PCDHA3: variants seen among roughly 807,000 people sequenced by gnomAD.
The protein encoded by PCDHA3 is protocadherin alpha 3.
Under a neutral mutation model 62.2 loss-of-function variants are expected in PCDHA3, and 41 were observed. The ratio of observed to expected loss-of-function variants is 0.66; its 90% CI spans 0.51 to 0.86. The LOEUF is 0.86. Ranked by LOEUF, PCDHA3 falls within the 40% of genes least tolerant of loss-of-function variation. The probability of loss-of-function intolerance (pLI) is 0.00; values close to 1 mark genes in which losing one functional copy is unlikely to be tolerated. For missense variants in PCDHA3, 1,304 were observed against 1,241.2 expected (o/e 1.05, Z -0.76); for synonymous variants, 640 against 555.4 (o/e 1.15, Z -2.14).
Position 140,802,328 on chromosome 5 carries a change from C to A in PCDHA3, c.1131C>A (p.Arg377=). The part of the protein sequence containing the change: ...TVIALISVSD[R]DSGVNGQVTC... Reference sequence around the variant, plus strand: ...TCGCTCTGATCAGCGTGTCCGACCGCGACTCAGGAGTCAATGGACAGGTCA... The same window carrying A: ...TCGCTCTGATCAGCGTGTCCGACCGAGACTCAGGAGTCAATGGACAGGTCA... The change falls in exon 1 of 4, where the codon CGC becomes CGA. Residue 377 remains arginine, a synonymous_variant. Coordinates refer to ENST00000522353, the MANE Select transcript of PCDHA3 (RefSeq NM_018906.3). 1 of 1,614,250 alleles carries A rather than the reference C, an allele frequency of 6.2e-7. No homozygotes were observed. The highest frequency in any genetic ancestry group is 8.5e-7 in the Non-Finnish European group (1 of 1,180,042).
At chr5:140,962,428 C>G (rs1359949802) in intron 1 of PCDHA3, among the ~76,000 whole-genome samples, 1 of 152,136 alleles carries the variant, frequency 6.6e-6, no homozygotes, top group Non-Finnish European at 1.5e-5. Flanking sequence ...TTTATTGTTA[C>G]TTATCCAAAG....
chr5:140,998,987 G>A (rs1381033392), intron 3 of PCDHA3, among the ~76,000 whole-genome samples: 1 of 152,234 alleles, frequency 6.6e-6, no homozygotes. Context: ...ATAGTAGAAA[G>A]CAGAATGCTG....
At chr5:140,834,488 C>T (rs2150219556) in intron 1 of PCDHA3, 20 of 1,614,036 alleles carry the variant, frequency 1.2e-5, no homozygotes, top group East Asian at 6.7e-5. Context: ...ACTACTCGGT[C>T]CCCGAGGAGG....
intron 1 of PCDHA3, among the ~76,000 whole-genome samples, chr5:140,910,047 A>G (rs1454501128): frequency 2.0e-5 from 3 of 152,208 alleles, no homozygotes; most frequent in African/African-American, 4.8e-5. Context: ...CTTGGTCATA[A>G]TAAGTGATCT....
intron 1 of PCDHA3, among the ~76,000 whole-genome samples, chr5:140,956,378 G>A (rs1317429422): frequency 5.9e-5 from 9 of 152,072 alleles, no homozygotes; most frequent in African/African-American, 1.7e-4. Context: ...GAATTTTATC[G>A]AAGGCCTTTT....
chr5:140,870,623 T>C, intron 1 of PCDHA3: 1 of 1,613,108 alleles, frequency 6.2e-7, no homozygotes. Context: ...TCGAGCTACG[T>C]GTCGGTGCAC....
chr5:140,838,474 T>C (rs1775747534), intron 1 of PCDHA3, among the ~76,000 whole-genome samples: 1 of 151,866 alleles, frequency 6.6e-6, no homozygotes, highest in Admixed American at 6.6e-5. Flanking sequence ...CGCTTATTCC[T>C]TGTTTTTGAT....
chr5:140,813,282 G>GCAT (rs1562237551), intron 1 of PCDHA3: 160 of 152,282 alleles, frequency 1.1e-3, no homozygotes, highest in African/African-American at 3.8e-3. Flanking sequence ...TCTGAGAATT[G>GCAT]TATCATTCTG....
intron 1 of PCDHA3, among the ~76,000 whole-genome samples, chr5:140,884,904 A>G (rs2060400953): frequency 6.6e-6 from 1 of 152,226 alleles, no homozygotes; most frequent in Non-Finnish European, 1.5e-5. Flanking sequence ...TTTCTGTTGT[A>G]TTCTTAATAG....
In PCDHA3 at chr5:140,863,213, A is replaced by C. The variant is rs1554157955; in HGVS notation, c.2394+59622A>C. 2.9e-6 allele frequency: 3 copies of C among 1,051,332 alleles called. No individual in the cohort carries two copies. The South Asian group carries it at 3.7e-5, about 13-fold the overall frequency. The allele number at this position is 1,051,332 out of a possible 1,614,324, so 65.1% of individuals were successfully genotyped here. On this transcript the variant is annotated intron_variant, in intron 1 of 3. Transcript: ENST00000522353. ...GTGGCGTCGCTGGCGGAGAGCAGCC[A>C]AGCGAGGAAGGTCCCATCGCGGGCT... is the stretch of plus-strand genomic sequence containing the variant.
At position 140,962,458 on chromosome 5, in the gene PCDHA3, G is replaced by A. The variant is rs535139362; in HGVS notation, c.2395-16491G>A. ...CCAAAGATGGCTTGAATCTCTTATG[G>A]CTTGAATCTCTTTGTTTATTCTAAG... On this transcript the variant is annotated intron_variant, in intron 1 of 3. Transcript: ENST00000522353. Among the ~76,000 whole-genome samples, 222 of 152,088 alleles carry A rather than the reference G, an allele frequency of 1.5e-3. 9 individuals carry two copies. In the South Asian group the frequency reaches 0.044, roughly 30 times the overall value.
intron 1 of PCDHA3, chr5:140,928,252 G>C (rs1377533547): frequency 2.5e-6 from 4 of 1,614,208 alleles, no homozygotes; most frequent in Non-Finnish European, 3.4e-6. Flanking sequence ...GGAACTTTTC[G>C]TTGCTGAAAA....
intron 1 of PCDHA3, chr5:140,876,837 C>T (rs782753877): frequency 1.9e-6 from 3 of 1,614,148 alleles, no homozygotes; most frequent in Admixed American, 3.3e-5. Context: ...CGCCTGCGTT[C>T]GCGCAGCCCG....
chr5:140,836,052 G>C, intron 1 of PCDHA3: 2 of 1,613,612 alleles, frequency 1.2e-6, no homozygotes, highest in Non-Finnish European at 1.7e-6. Flanking sequence ...GTTCGTGCTG[G>C]ACGAGAACGA....
At chr5:140,822,042 C>A (rs148967528) in intron 1 of PCDHA3, 3 of 1,614,176 alleles carry the variant, frequency 1.9e-6, no homozygotes, top group Non-Finnish European at 2.5e-6. Context: ...ATTCTCGGAT[C>A]GACCGGGAGG....
chr5:140,917,152 G>A (rs1407958115), intron 1 of PCDHA3, among the ~76,000 whole-genome samples: 1 of 152,012 alleles, frequency 6.6e-6, no homozygotes, highest in Admixed American at 6.6e-5. Context: ...GCTGCTGGGG[G>A]ATATGGGAGG....
At chr5:140,863,623 T>C (rs782448471) in intron 1 of PCDHA3, 49 of 322,260 alleles carry the variant, frequency 1.5e-4, no homozygotes, top group Non-Finnish European at 1.9e-4. Context: ...CATAGTGACA[T>C]TGATAATGTT....
At chr5:140,842,950 G>A (rs2150348605) in intron 1 of PCDHA3, 1 of 1,594,728 alleles carries the variant, frequency 6.3e-7, no homozygotes, top group East Asian at 2.2e-5. Context: ...CGGGCGTGCC[G>A]CCTCTGGGCA....
chr5:140,864,848 T>A (rs1581726954), intron 1 of PCDHA3: 1 of 152,184 alleles, frequency 6.6e-6, no homozygotes, highest in Non-Finnish European at 1.5e-5. Flanking sequence ...AGTCTTCCCA[T>A]ACATGATGAA....
Sources: allele counts gnomAD v4.1 joint callset (sites outside exome capture counted in the v4.1 genomes callset), GRCh38; gene constraint gnomAD v4.1.1; transcripts MANE v1.5; gene names NCBI Gene and HGNC (gene_info 2026-07-23, HGNC 2026-07-21).